The following LPAR6 variants were observed in gnomAD, a reference collection of about 807,000 sequenced individuals.
The protein encoded by LPAR6 is lysophosphatidic acid receptor 6.
LPAR6 carries 17 observed loss-of-function variants against 22.0 expected under a neutral mutation model. The ratio of observed to expected loss-of-function variants is 0.77; its 90% CI spans 0.53 to 1.16. The LOEUF is 1.16. Ranked by LOEUF, LPAR6 falls within the 50% of genes most tolerant of loss-of-function variation. The pLI, the probability that LPAR6 is intolerant of heterozygous loss-of-function variation, is 0.00. For missense variants in LPAR6, 384 were observed against 406.9 expected (o/e 0.94, Z 0.48); for synonymous variants, 136 against 139.8 (o/e 0.97, Z 0.19).
upstream of LPAR6, among the ~76,000 whole-genome samples, chr13:48,413,807 AGCACAAAATGAAATT>A (rs1188048010): frequency 6.6e-6 from 1 of 152,202 alleles, no homozygotes; most frequent in Non-Finnish European, 1.5e-5. Context: ...TTACTTTCTA[AGCACAAAATGAAATT>A]GCATCTTTTT....
At chr13:48,410,709 G>A (rs1948786626), downstream of LPAR6, among the ~76,000 whole-genome samples, 1 of 152,028 alleles carries the variant, frequency 6.6e-6, no homozygotes, top group South Asian at 2.1e-4. Context: ...GAAATTGGGT[G>A]CATTATATAC....
intron 1 of LPAR6, chr13:48,424,072 C>T (rs1017694355): frequency 1.0e-4 from 16 of 152,578 alleles, no homozygotes; most frequent in Non-Finnish European, 1.8e-4. Context: ...ATGCAAAAAG[C>T]AGTTTTCTCA....
chr13:48,442,096 A>G (rs924501354), intron 1 of LPAR6, among the ~76,000 whole-genome samples: 1 of 152,180 alleles, frequency 6.6e-6, no homozygotes, highest in African/African-American at 2.4e-5. Context: ...GACTTTCATC[A>G]TATTCAGACA....
chr13:48,435,926 T>G (rs1427579774), intron 1 of LPAR6, among the ~76,000 whole-genome samples: 1 of 152,204 alleles, frequency 6.6e-6, no homozygotes, highest in East Asian at 1.9e-4. Context: ...GCATTAAATG[T>G]CAGTGCTCTA....
At chr13:48,407,749 A>G (rs1296190876), downstream of LPAR6, among the ~76,000 whole-genome samples, 2 of 152,176 alleles carry the variant, frequency 1.3e-5, no homozygotes, top group Non-Finnish European at 2.9e-5. Context: ...TTTTCAGGAA[A>G]GCCCCAAAAA....
At chr13:48,436,571 A>C (rs532298875) in intron 1 of LPAR6, among the ~76,000 whole-genome samples, 1 of 152,146 alleles carries the variant, frequency 6.6e-6, no homozygotes, top group East Asian at 1.9e-4. Context: ...TGAACCCGGG[A>C]GACGGAGGTT....
intron 2 of LPAR6, among the ~76,000 whole-genome samples, chr13:48,422,093 A>G (rs1190430373): frequency 6.6e-6 from 1 of 152,228 alleles, no homozygotes; most frequent in Non-Finnish European, 1.5e-5. Flanking sequence ...CAGTATTTAC[A>G]ATAGCAAAGA....
At chr13:48,441,969 T>C (rs1189655187) in intron 1 of LPAR6, among the ~76,000 whole-genome samples, 3 of 152,224 alleles carry the variant, frequency 2.0e-5, no homozygotes, top group African/African-American at 7.2e-5. Flanking sequence ...GCCTTGTCAC[T>C]TAGCAGTACA....
In LPAR6 at chr13:48,400,596, G is replaced by A. The variant is rs1419145154; in HGVS notation, n.115-10784C>T. On this transcript the variant is annotated intron_variant and non_coding_transcript_variant, in intron 1 of 1. Coordinates refer to the LPAR6 transcript ENST00000462781. ...CGGATCTTACTTAATATTCACAGAA[G>A]CCTGGAAGTGTAAACACTGCTATCC... Among the ~76,000 whole-genome samples the A allele has an allele frequency of 3.9e-5, 6 of 152,082 alleles. No individual in the cohort carries two copies. The East Asian group carries it at 1.2e-3, about 29-fold the overall frequency.
chr13:48,406,281 G>T (rs891069049), downstream of LPAR6, among the ~76,000 whole-genome samples: 1 of 152,048 alleles, frequency 6.6e-6, no homozygotes, highest in African/African-American at 2.4e-5. Context: ...CACCAGAAAT[G>T]TATGAAGGTA....
intron 1 of LPAR6, chr13:48,439,877 T>G (rs1421887643): frequency 6.6e-6 from 1 of 152,154 alleles, no homozygotes; most frequent in African/African-American, 2.4e-5. Flanking sequence ...ATTAAGTCAC[T>G]TTTCAGAAAT....
intron 1 of LPAR6, among the ~76,000 whole-genome samples, chr13:48,426,126 C>T (rs2138263265): frequency 6.6e-6 from 1 of 152,238 alleles, no homozygotes; most frequent in Middle Eastern, 3.4e-3. Context: ...GCAAACTCTG[C>T]CCTGAACTTT....
At chr13:48,430,836 G>T (rs1285124444), upstream of LPAR6, among the ~76,000 whole-genome samples, 1 of 152,090 alleles carries the variant, frequency 6.6e-6, no homozygotes, top group Non-Finnish European at 1.5e-5. Flanking sequence ...GAAGCAGAAG[G>T]ATTGATTTCT....
upstream of LPAR6, among the ~76,000 whole-genome samples, chr13:48,415,272 C>CTTTTCT (rs912210738): frequency 8.6e-5 from 13 of 151,436 alleles, no homozygotes; most frequent in African/African-American, 3.1e-4. Flanking sequence ...TTTTTCTTTT[C>CTTTTCT]TTTTCTTTTT....
chr13:48,442,314 C>T (rs527817115), intron 1 of LPAR6, among the ~76,000 whole-genome samples: 11 of 152,096 alleles, frequency 7.2e-5, no homozygotes, highest in Admixed American at 1.3e-4. Context: ...CATTCTCCTT[C>T]CTCAGCCTCC....
chr13:48,405,783 C>G (rs960887057), intron 1 of LPAR6, among the ~76,000 whole-genome samples: 6 of 152,144 alleles, frequency 3.9e-5, no homozygotes, highest in African/African-American at 1.4e-4. Context: ...ATCCCATTTC[C>G]AACCCCACCC....
At chr13:48,417,099 GTGGGTC>G (rs1464402604), upstream of LPAR6, 5 of 152,494 alleles carry the variant, frequency 3.3e-5, no homozygotes, top group South Asian at 8.3e-4. Flanking sequence ...GCCTCCTCAA[GTGGGTC>G]TCTGACCCCC....
chr13:48,420,232 A>G (rs908291550), intron 2 of LPAR6, among the ~76,000 whole-genome samples: 2 of 152,238 alleles, frequency 1.3e-5, no homozygotes, highest in Non-Finnish European at 2.9e-5. Flanking sequence ...CTGGTTCAAC[A>G]TATGCAAATC....
At chr13:48,394,611 G>A (rs1000631201) in intron 1 of LPAR6, among the ~76,000 whole-genome samples, 5 of 152,188 alleles carry the variant, frequency 3.3e-5, no homozygotes, top group Admixed American at 2.6e-4. Context: ...TCCCCTCACA[G>A]TGTAAACAAA....
Sources: allele counts gnomAD v4.1 joint callset (sites outside exome capture counted in the v4.1 genomes callset), GRCh38; gene constraint gnomAD v4.1.1; transcripts MANE v1.5; gene names NCBI Gene and HGNC (gene_info 2026-07-23, HGNC 2026-07-21).